The following PTPRJ variants were observed in gnomAD, a reference collection of about 807,000 sequenced individuals.
PTPRJ encodes the protein receptor-type tyrosine-protein phosphatase eta.
A neutral mutation model predicts 141.3 loss-of-function variants in PTPRJ; 129 were observed. The ratio of observed to expected loss-of-function variants is 0.91; its 90% CI spans 0.79 to 1.06. The LOEUF (loss-of-function observed/expected upper bound fraction) is 1.06. PTPRJ is among the 50% of genes least tolerant of loss of function. The pLI, the probability that PTPRJ is intolerant of heterozygous loss-of-function variation, is 0.00. For synonymous variants in PTPRJ, 610 were observed against 640.5 expected (o/e 0.95, Z 0.72); for missense variants, 1,601 against 1,679.7 (o/e 0.95, Z 0.82).
chr11:48,026,866 G>A (rs944385543), intron 1 of PTPRJ, among the ~76,000 whole-genome samples: 37 of 151,918 alleles, frequency 2.4e-4, no homozygotes, highest in African/African-American at 8.5e-4. Flanking sequence ...CTTTCCCTCT[G>A]AGTCCCCGAA....
chr11:47,980,971 C>T lies in PTPRJ; in HGVS notation c.59C>T (p.Ala20Val). 3.4e-6 allele frequency: 4 copies of T among 1,188,364 alleles called. No homozygotes were observed. Among genetic ancestry groups the T allele is most frequent in the Middle Eastern group, 3.3e-4 (1 of 2,988 alleles). The allele number at this position is 1,188,364 out of a possible 1,614,324, so 73.6% of individuals were successfully genotyped here. A position where few individuals can be genotyped will look rare whatever the true frequency, so the allele number is the denominator to read the frequency against. ...LPPRSPGLRW[A>V]LPLLLLLLRL... ...CCGCGCTCGCCCGGGCTGCGCTGGGCGCTGCCGCTGCTGCTGCTGCTGCTG... is the reference window on the plus strand; with the variant it reads ...CCGCGCTCGCCCGGGCTGCGCTGGGTGCTGCCGCTGCTGCTGCTGCTGCTG... The change falls in exon 1 of 25, where the codon GCG becomes GTG. Residue 20 changes from alanine to valine, a missense_variant. Physicochemically the swap from Ala to Val is moderately conservative, Grantham distance 64 (BLOSUM62 0). Coordinates refer to ENST00000418331, the MANE Select transcript of PTPRJ (RefSeq NM_002843.4).
intron 6 of PTPRJ, 114 bp downstream of exon 6, chr11:48,125,300 G>C (rs1468616055): frequency 8.4e-7 from 1 of 1,190,894 alleles, no homozygotes; most frequent in Non-Finnish European, 1.2e-6. Flanking sequence ...TGATGTCAGA[G>C]GGAGCTTCCT....
intron 1 of PTPRJ, among the ~76,000 whole-genome samples, chr11:48,056,882 A>T (rs1002675079): frequency 6.6e-6 from 1 of 152,192 alleles, no homozygotes; most frequent in African/African-American, 2.4e-5. Flanking sequence ...TGACTCCGGG[A>T]GGAGGAGGTT....
At chr11:48,149,896 T>G in intron 16 of PTPRJ, 94 bp from the exon 17 acceptor site, 3 of 960,784 alleles carry the variant, frequency 3.1e-6, no homozygotes, top group Non-Finnish European at 4.7e-6. Context: ...ATACCCTGGG[T>G]TTTGTTGTTT....
At position 48,012,850 on chromosome 11, in the gene PTPRJ, A is replaced by C. The variant is rs1457766805; in HGVS notation, c.96+31842A>C. Among the ~76,000 whole-genome samples, 13 of 152,276 alleles carry C rather than the reference A, an allele frequency of 8.5e-5. No homozygotes were observed. The East Asian group carries it at 2.5e-3, about 29-fold the overall frequency. ...TTAGGCACGGTAGCTCATGCCTGTA[A>C]TCCCAGCACTTTGGGAGGCTGAGGC... is the stretch of plus-strand genomic sequence containing the variant. On this transcript the variant is annotated intron_variant, in intron 1 of 24. Transcript: ENST00000418331.
intron 1 of PTPRJ, among the ~76,000 whole-genome samples, chr11:48,035,538 C>CTTTTTTTTTTTTTTTTTTTTTTTTT (rs66504227): frequency 5.2e-4 from 32 of 61,748 alleles, no homozygotes; most frequent in South Asian, 8.7e-4. Flanking sequence ...CTTTCTTCTT[C>CTTTTTTTTTTTTTTTTTTTTTTTTT]TTTTTTTTTT....
chr11:48,065,069 C>T (rs1855050101), intron 1 of PTPRJ, among the ~76,000 whole-genome samples: 2 of 133,722 alleles, frequency 1.5e-5, no homozygotes, highest in Admixed American at 1.7e-4. Context: ...GGCTGGAGTG[C>T]AATGGTGCGA....
intron 1 of PTPRJ, among the ~76,000 whole-genome samples, chr11:48,016,413 G>A (rs1469164603): frequency 1.3e-5 from 2 of 152,242 alleles, no homozygotes; most frequent in Non-Finnish European, 2.9e-5. Context: ...GGTGATGGCT[G>A]AGTCTGCAAC....
chr11:48,113,291 C>T (rs1162671334), intron 3 of PTPRJ, among the ~76,000 whole-genome samples: 1 of 152,136 alleles, frequency 6.6e-6, no homozygotes, highest in Non-Finnish European at 1.5e-5. Flanking sequence ...ATATCAAGGT[C>T]ATCCTTTACA....
At chr11:48,010,047 C>T (rs376195396) in intron 1 of PTPRJ, among the ~76,000 whole-genome samples, 19 of 152,332 alleles carry the variant, frequency 1.2e-4, no homozygotes, top group Admixed American at 3.3e-4. Flanking sequence ...GTGTGCCACA[C>T]GCTTTCTTGC....
rs1261952446 is a variant in PTPRJ, at chr11:48,053,416, A to G, written c.97-56642A>G. On this transcript the variant is annotated intron_variant, in intron 1 of 24. Transcript: ENST00000418331. ...AATATATGATATATAATATATATAA[A>G]TATATATGTATAAAATATATATTAT... 1.1e-4 allele frequency among the ~76,000 whole-genome samples: 11 copies of G among 102,042 alleles called. No homozygotes were observed. In the South Asian group the frequency reaches 2.3e-3, roughly 21 times the overall value. 66.9% of individuals were successfully genotyped at this position (102,042 alleles called of 152,430 possible).
chr11:48,127,409 G>A (rs903955736), intron 6 of PTPRJ, among the ~76,000 whole-genome samples: 1 of 152,146 alleles, frequency 6.6e-6, no homozygotes, highest in Non-Finnish European at 1.5e-5. Flanking sequence ...GTGATCTCGG[G>A]CGATCACATA....
intron 18 of PTPRJ, among the ~76,000 whole-genome samples, chr11:48,152,588 A>G (rs1857511432): frequency 6.6e-6 from 1 of 152,190 alleles, no homozygotes. Context: ...TAGGTCTGAC[A>G]TTTAAGTCTT....
chr11:48,147,150 C>T (rs1857373179), intron 15 of PTPRJ, among the ~76,000 whole-genome samples, 187 bp downstream of exon 15: 1 of 152,192 alleles, frequency 6.6e-6, no homozygotes, highest in Non-Finnish European at 1.5e-5. Context: ...TTAATGTGCT[C>T]CCAGCTGTCA....
intron 1 of PTPRJ, among the ~76,000 whole-genome samples, chr11:48,081,925 TGG>T (rs1431074211): frequency 1.3e-5 from 2 of 152,186 alleles, no homozygotes; most frequent in Non-Finnish European, 2.9e-5. Flanking sequence ...AGGGTAGATG[TGG>T]TGAATAGTCT....
At chr11:48,035,538 CTTTTTTTTTTT>C (rs66504227) in intron 1 of PTPRJ, among the ~76,000 whole-genome samples, 5 of 61,740 alleles carry the variant, frequency 8.1e-5, no homozygotes, top group East Asian at 5.4e-4. Flanking sequence ...CTTTCTTCTT[CTTTTTTTTTTT>C]TTTTTTTTTT....
intron 1 of PTPRJ, among the ~76,000 whole-genome samples, chr11:48,076,380 G>A (rs1288390611): frequency 6.6e-6 from 1 of 152,166 alleles, no homozygotes; most frequent in East Asian, 1.9e-4. Flanking sequence ...AGATGACACT[G>A]TCTTTTCTTT....
In PTPRJ at chr11:48,167,302, A is replaced by T; in HGVS notation, c.3954A>T (p.Thr1318=). 1.2e-6 allele frequency: 2 copies of T among 1,614,028 alleles called. No individual in the cohort carries two copies. The highest frequency in any genetic ancestry group is 1.6e-4 in the Middle Eastern group (1 of 6,062). ...TCTACCAGAACACAACTGCAATGAC[A>T]ATCTATGAAAACCTTGCGCCCGTGA... The part of the protein sequence containing the change: ...DLIYQNTTAM[T]IYENLAPVTT... Residue 1318 remains threonine (T), a synonymous_variant, in exon 25 of 25, where the codon ACA becomes ACT. Transcript: ENST00000418331.
chr11:48,112,724 A>G (rs1856471474), intron 2 of PTPRJ, 23 bp from the exon 3 acceptor site: 2 of 1,529,804 alleles, frequency 1.3e-6, no homozygotes, highest in Admixed American at 1.7e-5. Context: ...TTTTTAATCT[A>G]ATTGTTTACT....
Sources: allele counts gnomAD v4.1 joint callset (sites outside exome capture counted in the v4.1 genomes callset), GRCh38; gene constraint gnomAD v4.1.1; transcripts MANE v1.5; gene names NCBI Gene and HGNC (gene_info 2026-07-23, HGNC 2026-07-21).